TTN: variants seen among roughly 807,000 people sequenced by gnomAD.
TTN encodes titin.
In TTN, 1,525 loss-of-function variants were observed where a neutral mutation model predicts 3,223.0. The ratio of observed to expected loss-of-function variants is 0.47; its 90% CI spans 0.45 to 0.49. The LOEUF is 0.49. Ranked by LOEUF, TTN falls within the 20% of genes least tolerant of loss-of-function variation. The pLI, the probability that TTN is intolerant of heterozygous loss-of-function variation, is 0.00. For missense variants in TTN, 40,786 were observed against 43,424.0 expected, an observed-to-expected ratio of 0.94 and a Z score of 5.40; for synonymous variants, 14,094 against 15,161.0, an observed-to-expected ratio of 0.93 and a Z score of 5.17.
chr2:178,579,657 T>A lies in TTN; in HGVS notation c.67540A>T (p.Thr22514Ser), dbSNP rs561270636. 5 of 1,613,352 alleles carry A rather than the reference T, an allele frequency of 3.1e-6. No individual in the cohort carries two copies. In the South Asian group the frequency reaches 5.5e-5, roughly 18 times the overall value. Residue 22514 changes from threonine to serine, a missense_variant, in exon 319 of 363, where the codon ACT (threonine) becomes TCT (serine). Physicochemically the swap from Thr to Ser is moderately conservative, Grantham distance 58 (BLOSUM62 1). Coordinates refer to ENST00000589042, the MANE Select transcript of TTN (RefSeq NM_001267550.2). The stretch of plus-strand genomic sequence containing the variant: ...CTGAAGGTATATTCCTTCCCTTCAG[T>A]CAAATCTTTTGCAGAGTACTGTAGG... ...LSLQYSAKDL[T>S]EGKEYTFRVS... is the part of the protein sequence containing the mutation.
chr2:178,545,811 A>C lies in TTN; in HGVS notation c.95416+9T>G, dbSNP rs776735739. 2 of 1,612,090 alleles carry C rather than the reference A, an allele frequency of 1.2e-6. No homozygotes were observed. Among genetic ancestry groups the C allele is most frequent in the Admixed American group, 1.7e-5 (1 of 59,960 alleles). Reference sequence around the variant, plus strand: ...AACTGTCAAATTATTTAAAAGTGTTAATACTTACTGAATGAGTTTCTGGCT... The same window carrying C: ...AACTGTCAAATTATTTAAAAGTGTTCATACTTACTGAATGAGTTTCTGGCT... On this transcript the variant is annotated intron_variant, in intron 343 of 362. Coordinates refer to ENST00000589042, the MANE Select transcript of TTN (RefSeq NM_001267550.2).
chr2:178,748,852 T>C, intron 47 of TTN: 2 of 1,612,352 alleles, frequency 1.2e-6, no homozygotes, highest in Non-Finnish European at 8.5e-7. Flanking sequence ...TTGGAGACAT[T>C]TTCTCTGCCT....
chr2:178,725,416 T>C lies in TTN; in HGVS notation c.20788A>G (p.Lys6930Glu). 6.2e-7 allele frequency: 1 copy of C among 1,608,228 alleles called. No homozygotes were observed. Among genetic ancestry groups the C allele is most frequent in the Non-Finnish European group, 8.5e-7 (1 of 1,176,674 alleles). ...TTCTCCCTCATTCCACCATCATTCT[T>C]GATTTGGCAGATATACTTTCCAGCA... Reference protein sequence around the residue: ...ANAGKYICQIKNDGGMRENMA... With the variant: ...ANAGKYICQIENDGGMRENMA... Residue 6930 changes from lysine (K) to glutamate (E), a missense_variant, in exon 71 of 363, where the codon AAG becomes GAG. Lys to Glu is a moderately conservative substitution (Grantham distance 56, BLOSUM62 1). Transcript: ENST00000589042.
Position 178,774,437 on chromosome 2 carries a change from A to G in TTN, c.6827T>C (p.Ile2276Thr). 1.2e-6 allele frequency: 2 copies of G among 1,613,460 alleles called. No individual in the cohort carries two copies. Among genetic ancestry groups the G allele is most frequent in the Non-Finnish European group, 1.7e-6 (2 of 1,179,884 alleles). ...VVEFVKELQDIEVPESYSGEL... is the reference protein window; with the variant it reads ...VVEFVKELQDTEVPESYSGEL... Reference sequence around the variant, plus strand: ...TCCTGAATATGATTCTGGAACTTCTATGTCCTGAAGTTCTTTCACAAACTC... The same window carrying G: ...TCCTGAATATGATTCTGGAACTTCTGTGTCCTGAAGTTCTTTCACAAACTC... The change falls in exon 30 of 363, where the codon ATA (isoleucine) becomes ACA (threonine). Residue 2276 changes from isoleucine (I) to threonine (T), a missense_variant. By Grantham distance (89) the Ile-to-Thr change is moderately conservative (BLOSUM62 -1). Transcript: ENST00000589042.
chr2:178,557,921 C>T lies in TTN; in HGVS notation c.87433G>A (p.Val29145Ile). The change falls in exon 328 of 363, where the codon GTT becomes ATT. Residue 29145 changes from valine (V) to isoleucine (I), a missense_variant. Transcript: ENST00000589042. The part of the protein sequence containing the change: ...LDRPGPPTGP[V>I]VISDITEESV... ...TCTTCAGTTATATCACTAATAACAA[C>T]AGGGCCAGTTGGAGGACCAGGCCTG... The T allele has an allele frequency of 1.2e-6, 2 of 1,613,376 alleles. No individual in the cohort carries two copies. The highest frequency in any genetic ancestry group is 1.7e-6 in the Non-Finnish European group (2 of 1,179,846).
rs1399364078 is a variant in TTN, at chr2:178,739,694, T to C, written c.13539A>G (p.Ser4513=). Residue 4513 remains serine, a synonymous_variant, in exon 48 of 363, where the codon TCA becomes TCG. Transcript: ENST00000589042. ...GTTCAGTAATGGGTTCAACCTTCTG[T>C]GAACCTGAAAAAGAATCCATTTCTT... The part of the protein sequence containing the change: ...LQEEMDSFSG[S]QKVEPITEPE... 5 of 1,613,942 alleles carry C rather than the reference T, an allele frequency of 3.1e-6. No individual in the cohort carries two copies. Among genetic ancestry groups the C allele is most frequent in the Non-Finnish European group, 4.2e-6 (5 of 1,179,830 alleles).
intron 46 of TTN, among the ~76,000 whole-genome samples, chr2:178,755,193 G>A (rs1030877936): frequency 6.6e-6 from 1 of 152,034 alleles, no homozygotes; most frequent in Admixed American, 6.6e-5. Flanking sequence ...TATCCAAAAG[G>A]AAAGTCCATG....
rs531436637 is a variant in TTN, at chr2:178,547,468, C to T, written c.94158G>A (p.Glu31386=). ...YMEYSFRVSS[E]NRFGVSKPLE... is the part of the protein sequence containing the mutation. ...GAGGTTTGCTGACACCAAATCTGTT[C>T]TCTGAACTGACACGGAAAGAATATT... Residue 31386 remains glutamate, a synonymous_variant, in exon 339 of 363, where the codon GAG becomes GAA. Coordinates refer to ENST00000589042, the MANE Select transcript of TTN (RefSeq NM_001267550.2). 1 of 1,612,172 alleles carries T rather than the reference C, an allele frequency of 6.2e-7. No individual in the cohort carries two copies. The highest frequency in any genetic ancestry group is 1.1e-5 in the South Asian group (1 of 90,918).
rs747240914 is a variant in TTN at position 178,587,333 on chromosome 2, T to C, written c.63878A>G (p.Asp21293Gly). 2.5e-6 allele frequency: 4 copies of C among 1,612,814 alleles called. No individual in the cohort carries two copies. The highest frequency in any genetic ancestry group is 2.5e-6 in the Non-Finnish European group (3 of 1,179,364). Reference sequence around the variant, plus strand: ...ATAATGTGTCACTTGGCTCCCACCGTCGTTTTCAGGAGGGGCCCAGGACAC... The same window carrying C: ...ATAATGTGTCACTTGGCTCCCACCGCCGTTTTCAGGAGGGGCCCAGGACAC... Reference protein sequence around the residue: ...CHVSWAPPENDGGSQVTHYIV... With the variant: ...CHVSWAPPENGGGSQVTHYIV... The change falls in exon 307 of 363, where the codon GAC becomes GGC. Residue 21293 changes from aspartate (D) to glycine (G), a missense_variant. By Grantham distance (94) the Asp-to-Gly change is moderately conservative. Coordinates refer to ENST00000589042, the MANE Select transcript of TTN (RefSeq NM_001267550.2).
intron 87 of TTN, 27 bp downstream of exon 87, chr2:178,717,496 A>G (rs1369491547): frequency 1.3e-6 from 2 of 1,572,692 alleles, no homozygotes; most frequent in South Asian, 1.2e-5. Flanking sequence ...CTGCTTTACA[A>G]TGAAGAGGGT....
chr2:178,724,763 A>G (rs1343060462), intron 71 of TTN: 7 of 402,982 alleles, frequency 1.7e-5, no homozygotes, highest in East Asian at 4.0e-5. Context: ...TGTTTTTCCC[A>G]CCACTCTTGC....
rs2050095324 is a variant in TTN at position 178,591,010 on chromosome 2, C to T, written c.60715G>A (p.Gly20239Ser). Residue 20239 changes from glycine to serine, a missense_variant, in exon 304 of 363, where the codon GGC becomes AGC. Coordinates refer to ENST00000589042, the MANE Select transcript of TTN (RefSeq NM_001267550.2). ...CTAACTCGGAAAACATATTCACAGC[C>T]CTTCTGCAGATGTGGGATTTTCAGC... ...TKLKIPHLQK[G>S]CEYVFRVRAE... 6 of 1,613,336 alleles carry T rather than the reference C, an allele frequency of 3.7e-6. No homozygotes were observed. The highest frequency in any genetic ancestry group is 1.3e-5 in the African/African-American group (1 of 74,870).
chr2:178,752,053 A>G lies in TTN; in HGVS notation c.11311+1071T>C, dbSNP rs934304873. ...CAGAGAATAATTCTGGAAAAAAAAA[A>G]AAAAACCTTTACTATTTTCCATAGA... On this transcript the variant is annotated intron_variant, in intron 47 of 362. Coordinates refer to ENST00000589042, the MANE Select transcript of TTN (RefSeq NM_001267550.2). The G allele has an allele frequency of 1.9e-6, 3 of 1,587,174 alleles. No homozygotes were observed. The African/African-American group carries it at 4.1e-5, about 22-fold the overall frequency.
In TTN at chr2:178,609,552, A is replaced by T. The variant is rs747840389; in HGVS notation, c.51758T>A (p.Leu17253Gln). The T allele has an allele frequency of 6.2e-7, 1 of 1,609,026 alleles. No individual in the cohort carries two copies. Among genetic ancestry groups the T allele is most frequent in the Admixed American group, 1.7e-5 (1 of 59,726 alleles). The change falls in exon 273 of 363, where the codon CTG becomes CAG. Residue 17253 changes from leucine (L) to glutamine (Q), a missense_variant. Physicochemically the swap from Leu to Gln is moderately radical, Grantham distance 113. Transcript: ENST00000589042. The part of the protein sequence containing the change: ...VDPIDAPKVI[L>Q]RTSLEVKRGD... ...TCGTTTCACTTCTAGGCTTGTTCTC[A>T]GAATGACTTTGGGGGCATCTATAGT... is the stretch of plus-strand genomic sequence containing the variant.
chr2:178,541,485 A>T lies in TTN; in HGVS notation c.97592T>A (p.Val32531Glu), dbSNP rs1060500477. 1 of 1,613,418 alleles carries T rather than the reference A, an allele frequency of 6.2e-7. No individual in the cohort carries two copies. Among genetic ancestry groups the T allele is most frequent in the Non-Finnish European group, 8.5e-7 (1 of 1,179,576 alleles). ...TTTGCGCTCCACAATATATCCAGTCACTTGGGAGCCACCGTCATCCTCTGG... is the reference window on the plus strand; with the variant it reads ...TTTGCGCTCCACAATATATCCAGTCTCTTGGGAGCCACCGTCATCCTCTGG... ...YPPEDDGGSQ[V>E]TGYIVERKEV... The change falls in exon 350 of 363, where the codon GTG (valine) becomes GAG (glutamate). Residue 32531 changes from valine to glutamate, a missense_variant. Coordinates refer to ENST00000589042, the MANE Select transcript of TTN (RefSeq NM_001267550.2).
chr2:178,707,827 G>A lies in TTN; in HGVS notation c.28754-14C>T, dbSNP rs965961003. ...GCTTCTTAGGTTCTGGAATTGAAAA[G>A]GTATTTTCATGAGGAACATAAAGGC... On this transcript the variant is annotated splice_polypyrimidine_tract_variant and intron_variant, in intron 99 of 362. Transcript: ENST00000589042. 8 of 1,555,628 alleles carry A rather than the reference G, an allele frequency of 5.1e-6. No homozygotes were observed. In the Admixed American group the frequency reaches 5.8e-5, roughly 11 times the overall value.
chr2:178,734,721 T>C lies in TTN; in HGVS notation c.15203A>G (p.Glu5068Gly). ...AGTAAACAAACCTTTGATAACTATTTCAGTACTGCAGCTATCACTGCCGAC... is the reference window on the plus strand; with the variant it reads ...AGTAAACAAACCTTTGATAACTATTCCAGTACTGCAGCTATCACTGCCGAC... The part of the protein sequence containing the change: ...NDVGSDSCST[E>G]IVIKEPPSFI... The change falls in exon 51 of 363, where the codon GAA (glutamate) becomes GGA (glycine). Residue 5068 changes from glutamate to glycine, a missense_variant. Glu to Gly is a moderately conservative substitution (Grantham distance 98). Coordinates refer to ENST00000589042, the MANE Select transcript of TTN (RefSeq NM_001267550.2). The C allele has an allele frequency of 6.2e-7, 1 of 1,609,750 alleles. No individual in the cohort carries two copies. The highest frequency in any genetic ancestry group is 8.5e-7 in the Non-Finnish European group (1 of 1,176,922).
rs1702897775 is a variant in TTN, at chr2:178,559,700, G to C, written c.86432C>G (p.Thr28811Ser). The C allele has an allele frequency of 1.9e-6, 3 of 1,607,708 alleles. No individual in the cohort carries two copies. In the Admixed American group the frequency reaches 5.0e-5, roughly 27 times the overall value. Reference sequence around the variant, plus strand: ...GTCATTTCTGTTGGCATTTTCAATGGTCAGTGATGTACGAGAGTCTGTGGT... The same window carrying C: ...GTCATTTCTGTTGGCATTTTCAATGCTCAGTGATGTACGAGAGTCTGTGGT... ...VDTTDSRTSL[T>S]IENANRNDSG... Residue 28811 changes from threonine to serine, a missense_variant, in exon 326 of 363, where the codon ACC becomes AGC. Physicochemically the swap from Thr to Ser is moderately conservative, Grantham distance 58. Coordinates refer to ENST00000589042, the MANE Select transcript of TTN (RefSeq NM_001267550.2).
intron 24 of TTN, 169 bp from the exon 25 acceptor site, chr2:178,778,144 C>T: frequency 1.2e-6 from 1 of 859,242 alleles, no homozygotes; most frequent in Non-Finnish European, 1.8e-6. Context: ...TTATTGTTGC[C>T]CCCACAACTA....
Sources: gnomAD v4.1 joint callset for allele counts (sites outside exome capture counted in the v4.1 genomes callset) on GRCh38, gnomAD v4.1.1 for gene constraint, MANE v1.5 for transcripts, NCBI Gene and HGNC (gene_info 2026-07-23, HGNC 2026-07-21) for gene names.